The following ZNF280D variants were observed in gnomAD, a reference collection of about 807,000 sequenced individuals.
The protein encoded by ZNF280D is zinc finger protein 280D.
ZNF280D carries 39 observed loss-of-function variants against 94.7 expected under a neutral mutation model. The ratio of observed to expected loss-of-function variants is 0.41; its 90% CI spans 0.32 to 0.54. The LOEUF (loss-of-function observed/expected upper bound fraction) is 0.54, where lower values mean the gene tolerates loss of function less well. ZNF280D is among the 20% of genes least tolerant of loss of function. The probability of loss-of-function intolerance (pLI) is 0.22; values close to 1 mark genes in which losing one functional copy is unlikely to be tolerated. For synonymous variants in ZNF280D, 398 were observed against 377.6 expected (o/e 1.05, Z -0.63); for missense variants, 1,090 against 1,149.3 (o/e 0.95, Z 0.75).
At chr15:56,688,717 A>T (rs2056224576) in intron 9 of ZNF280D, 1 of 158,434 alleles carries the variant, frequency 6.3e-6, no homozygotes, top group East Asian at 1.8e-4. Flanking sequence ...TATATGCAAA[A>T]GTAAATACGT....
Position 56,670,012 on chromosome 15 carries a change from A to C in ZNF280D, c.1411-1055T>G, listed in dbSNP as rs2054747353. 4.3e-4 allele frequency among the ~76,000 whole-genome samples: 12 copies of C among 27,822 alleles called. 3 individuals carry two copies. In the South Asian group the frequency reaches 0.019, roughly 43 times the overall value. The allele number at this position is 27,822 out of a possible 152,430, so 18.3% of individuals were successfully genotyped here. A position where few individuals can be genotyped will look rare whatever the true frequency, so the allele number is the denominator to read the frequency against. On this transcript the variant is annotated intron_variant, in intron 13 of 21. Transcript: ENST00000267807. ...TATATATATATTATATATATATAAT[A>C]TATATATATAGTGGTTTTAGAGAAA... is the stretch of plus-strand genomic sequence containing the variant.
chr15:56,728,096 A>G (rs1241847621), intron 1 of ZNF280D, among the ~76,000 whole-genome samples: 1 of 151,932 alleles, frequency 6.6e-6, no homozygotes, highest in Non-Finnish European at 1.5e-5. Context: ...CAGTGACACA[A>G]TTGCAGCTCA....
chr15:56,722,142 T>C (rs1340778564), intron 1 of ZNF280D, among the ~76,000 whole-genome samples: 1 of 152,160 alleles, frequency 6.6e-6, no homozygotes, highest in Non-Finnish European at 1.5e-5. Flanking sequence ...ACACACATTA[T>C]TATATAAGTT....
chr15:56,651,821 C>T (rs774271936), intron 19 of ZNF280D, among the ~76,000 whole-genome samples: 12 of 151,858 alleles, frequency 7.9e-5, no homozygotes, highest in Non-Finnish European at 1.6e-4. Flanking sequence ...CCATGGTTGG[C>T]TGAATCTGCA....
At chr15:56,697,153 G>T (rs1236796797) in intron 6 of ZNF280D, among the ~76,000 whole-genome samples, 1 of 151,552 alleles carries the variant, frequency 6.6e-6, no homozygotes, top group Admixed American at 6.6e-5. Context: ...TTACATTCTG[G>T]GTACCTTTCC....
At position 56,663,084 on chromosome 15, in the gene ZNF280D, G is replaced by C. The variant is rs1202220389; in HGVS notation, c.1994+3311C>G. ...AGATCACTTAAGCCCAGGAGCCCAT[G>C]ACCAGCCTGGGCAAAATGGAAAAAA... On this transcript the variant is annotated intron_variant, in intron 16 of 21. Coordinates refer to ENST00000267807, the MANE Select transcript of ZNF280D (RefSeq NM_017661.4). Among the ~76,000 whole-genome samples the C allele has an allele frequency of 6.0e-5, 9 of 150,704 alleles. 1 individual carries two copies. The South Asian group carries it at 1.7e-3, about 28-fold the overall frequency.
At position 56,658,446 on chromosome 15, in the gene ZNF280D, T is replaced by C; in HGVS notation, c.2035A>G (p.Lys679Glu). 1 of 1,588,256 alleles carries C rather than the reference T, an allele frequency of 6.3e-7. No individual in the cohort carries two copies. Among genetic ancestry groups the C allele is most frequent in the Non-Finnish European group, 8.5e-7 (1 of 1,172,106 alleles). The change falls in exon 17 of 22, where the codon AAG becomes GAG. Residue 679 changes from lysine to glutamate, a missense_variant. Coordinates refer to ENST00000267807, the MANE Select transcript of ZNF280D (RefSeq NM_017661.4). The stretch of plus-strand genomic sequence containing the variant: ...TACCGGAGATTTTCTGAATGCTTCT[T>C]AAAAATACAAAACCTTTTGCTTGGA... ...NRPSKRFCIF[K>E]KHSENLRGIT...
In ZNF280D at chr15:56,682,422, GA is replaced by G; in HGVS notation, c.835del (p.Ser279GlnfsTer4). 1 of 1,476,882 alleles carries G rather than the reference GA, an allele frequency of 6.8e-7. No homozygotes were observed. The highest frequency in any genetic ancestry group is 9.0e-7 in the Non-Finnish European group (1 of 1,107,996). 91.5% of individuals were successfully genotyped at this position (1,476,882 alleles called of 1,614,324 possible). ...NFLGLAKTEF[S>X]STVNKNTTID... ...AGTTGTGTTTTTATTTACTGTACTT[GA>G]AAATTCTGTTTTAGCCAGTCCCAAA... On this transcript the variant is annotated frameshift_variant, in exon 10 of 22. Transcript: ENST00000267807. LOFTEE classifies it high-confidence loss of function.
intron 12 of ZNF280D, among the ~76,000 whole-genome samples, chr15:56,677,040 TCTC>T (rs2055280504): frequency 6.6e-6 from 1 of 152,100 alleles, no homozygotes; most frequent in South Asian, 2.1e-4. Context: ...CAAAACTAGA[TCTC>T]CTTCTCTTTA....
intron 13 of ZNF280D, among the ~76,000 whole-genome samples, chr15:56,675,675 G>C (rs2055183471): frequency 6.6e-6 from 1 of 151,936 alleles, no homozygotes; most frequent in Admixed American, 6.6e-5. Context: ...ATCCCAAATT[G>C]ATCTGGAAAT....
Position 56,631,233 on chromosome 15 carries a change from T to A in ZNF280D, c.*265A>T. 2.8e-6 allele frequency: 1 copy of A among 352,770 alleles called. No individual in the cohort carries two copies. Among genetic ancestry groups the A allele is most frequent in the Non-Finnish European group, 5.2e-6 (1 of 193,888 alleles). 21.9% of individuals were successfully genotyped at this position (352,770 alleles called of 1,614,324 possible). ...CAAATCCCATTTCCTTGAAAACCATTAAATGAGACCTTTCCACTGCAAATT... is the reference window on the plus strand; with the variant it reads ...CAAATCCCATTTCCTTGAAAACCATAAAATGAGACCTTTCCACTGCAAATT... On this transcript the variant is annotated 3_prime_UTR_variant, in exon 22 of 22. Transcript: ENST00000267807.
At chr15:56,716,535 A>G (rs1196743391) in intron 1 of ZNF280D, among the ~76,000 whole-genome samples, 1 of 151,666 alleles carries the variant, frequency 6.6e-6, no homozygotes, top group Admixed American at 6.6e-5. Context: ...AAGGAGTTAC[A>G]TGGGAAGAGA....
intron 19 of ZNF280D, chr15:56,653,004 A>G: frequency 2.1e-6 from 2 of 936,900 alleles, no homozygotes; most frequent in East Asian, 1.2e-4. Context: ...CATAAAACCA[A>G]GCTATTAAAT....
chr15:56,647,013 T>C (rs2052927468), intron 19 of ZNF280D, among the ~76,000 whole-genome samples: 1 of 152,178 alleles, frequency 6.6e-6, no homozygotes, highest in African/African-American at 2.4e-5. Context: ...CAAAGCAAAG[T>C]AGTCCAAGAT....
At chr15:56,662,568 G>A (rs1455200921) in intron 16 of ZNF280D, among the ~76,000 whole-genome samples, 2 of 152,250 alleles carry the variant, frequency 1.3e-5, no homozygotes, top group Admixed American at 6.5e-5. Context: ...GCTCATGCCT[G>A]TAATCCAGCA....
intron 1 of ZNF280D, chr15:56,724,855 A>G (rs1263303762): frequency 2.2e-6 from 1 of 453,486 alleles, no homozygotes; most frequent in African/African-American, 2.0e-5. Flanking sequence ...ACCTTTTTCT[A>G]TTCAATAACG....
chr15:56,638,401 G>C (rs967638262), intron 20 of ZNF280D, among the ~76,000 whole-genome samples: 3 of 152,200 alleles, frequency 2.0e-5, no homozygotes, highest in African/African-American at 4.8e-5. Flanking sequence ...TACGGAGCTA[G>C]ATTCCACAGT....
rs2052045993 is a variant in ZNF280D, at chr15:56,630,864, T to C, written c.*634A>G. ...TTACAGCCTGGCAGGCTAACACTTG[T>C]ATGGAGGTACAAAGATTCAAATATT... is the stretch of plus-strand genomic sequence containing the variant. On this transcript the variant is annotated 3_prime_UTR_variant, in exon 22 of 22. Transcript: ENST00000267807. The C allele has an allele frequency of 6.6e-6, 1 of 152,246 alleles. No individual in the cohort carries two copies. Among genetic ancestry groups the C allele is most frequent in the African/African-American group, 2.4e-5 (1 of 41,468 alleles). 9.4% of individuals were successfully genotyped at this position (152,246 alleles called of 1,614,324 possible). A position where few individuals can be genotyped will look rare whatever the true frequency, so the allele number is the denominator to read the frequency against.
At chr15:56,693,077 G>GA (rs745447014) in intron 7 of ZNF280D, 21 bp downstream of exon 7, 20 of 1,451,828 alleles carry the variant, frequency 1.4e-5, no homozygotes, top group Non-Finnish European at 1.7e-5. Flanking sequence ...TAACCTTTAT[G>GA]AAAAAAATAC....
Sources: allele counts gnomAD v4.1 joint callset (sites outside exome capture counted in the v4.1 genomes callset), GRCh38; gene constraint gnomAD v4.1.1; transcripts MANE v1.5; gene names NCBI Gene and HGNC (gene_info 2026-07-23, HGNC 2026-07-21).